The following SH3GL2 variants were observed in gnomAD, a reference collection of about 807,000 sequenced individuals.
SH3GL2 encodes the protein endophilin-A1.
SH3GL2 carries 24 observed loss-of-function variants against 46.0 expected under a neutral mutation model. The observed-to-expected ratio is 0.52, with a 90% confidence interval of 0.38 to 0.73. The LOEUF is 0.73. Among genes scored for constraint, SH3GL2 ranks in the 30% least tolerant of loss-of-function variants. The pLI, the probability that SH3GL2 is intolerant of heterozygous loss-of-function variation, is 0.00. For synonymous variants in SH3GL2, 196 were observed against 147.1 expected, an observed-to-expected ratio of 1.33 and a Z score of -2.40; for missense variants, 413 against 424.2, an observed-to-expected ratio of 0.97 and a Z score of 0.23.
intron 1 of SH3GL2, among the ~76,000 whole-genome samples, chr9:17,634,107 T>C (rs1194029675): frequency 6.6e-6 from 1 of 152,190 alleles, no homozygotes; most frequent in African/African-American, 2.4e-5. Context: ...GTTTTGGAAC[T>C]TTGGGCTCTT....
intron 3 of SH3GL2, among the ~76,000 whole-genome samples, chr9:17,765,186 G>A (rs1265747710): frequency 1.2e-5 from 1 of 81,138 alleles, no homozygotes; most frequent in Non-Finnish European, 2.4e-5. Context: ...TTGATGCTTC[G>A]AGGGTACTTT....
At chr9:17,617,065 A>G (rs554764076) in intron 1 of SH3GL2, among the ~76,000 whole-genome samples, 2 of 152,280 alleles carry the variant, frequency 1.3e-5, no homozygotes, top group South Asian at 2.1e-4. Flanking sequence ...GCTAGCATAC[A>G]TACTATAATA....
chr9:17,758,062 C>G (rs1374562020), intron 2 of SH3GL2, among the ~76,000 whole-genome samples: 3 of 152,096 alleles, frequency 2.0e-5, no homozygotes, highest in South Asian at 2.1e-4. Flanking sequence ...AATCATTGGA[C>G]CATTCAGTTC....
intron 1 of SH3GL2, among the ~76,000 whole-genome samples, chr9:17,615,825 C>T (rs73418665): frequency 2.6e-5 from 4 of 151,574 alleles, no homozygotes; most frequent in African/African-American, 4.8e-5. Context: ...TGCTAACTTT[C>T]TAGAACTCAG....
intron 1 of SH3GL2, among the ~76,000 whole-genome samples, chr9:17,714,720 C>G (rs1012270990): frequency 6.6e-6 from 1 of 151,714 alleles, no homozygotes; most frequent in Non-Finnish European, 1.5e-5. Flanking sequence ...TTATAAATCC[C>G]TGAGTACATA....
chr9:17,699,070 G>A lies in SH3GL2; in HGVS notation c.46-47996G>A, dbSNP rs576063440. Reference sequence around the variant, plus strand: ...CTTGGGAGGCTGAGGCAGGGGAATCGCTTGAACCTCAGAGGCAGAGGTTGC... The same window carrying A: ...CTTGGGAGGCTGAGGCAGGGGAATCACTTGAACCTCAGAGGCAGAGGTTGC... On this transcript the variant is annotated intron_variant, in intron 1 of 8. Transcript: ENST00000380607. 4.1e-5 allele frequency among the ~76,000 whole-genome samples: 6 copies of A among 147,478 alleles called. No homozygotes were observed. The East Asian group carries it at 1.2e-3, about 30-fold the overall frequency.
chr9:17,623,705 T>TACACACACAC lies in SH3GL2; in HGVS notation c.45+44441_45+44450dup, dbSNP rs10660392. On this transcript the variant is annotated intron_variant, in intron 1 of 8. Coordinates refer to ENST00000380607, the MANE Select transcript of SH3GL2 (RefSeq NM_003026.5). ...ATATTTAACCCTATTTATAATTTCC[T>TACACACACAC]ACACACACACACACACACACACACA... is the stretch of plus-strand genomic sequence containing the variant. Among the ~76,000 whole-genome samples, 765 of 147,882 alleles carry TACACACACAC rather than the reference T, an allele frequency of 5.2e-3. 9 individuals are homozygous for TACACACACAC. Among genetic ancestry groups the TACACACACAC allele is most frequent in the African/African-American group, 0.017 (699 of 40,232 alleles).
intron 2 of SH3GL2, 93 bp downstream of exon 2, chr9:17,747,227 C>T: frequency 1.4e-6 from 1 of 709,880 alleles, no homozygotes; most frequent in East Asian, 2.7e-5. Context: ...CAACTGTTTT[C>T]CACTGGTCTC....
chr9:17,778,373 T>C (rs1365111214), intron 3 of SH3GL2, among the ~76,000 whole-genome samples: 1 of 152,116 alleles, frequency 6.6e-6, no homozygotes, highest in Non-Finnish European at 1.5e-5. Flanking sequence ...TAATACCTAA[T>C]GTCAGATGTG....
intron 1 of SH3GL2, among the ~76,000 whole-genome samples, chr9:17,731,618 GA>G (rs1375474313): frequency 6.6e-6 from 1 of 152,124 alleles, no homozygotes; most frequent in Admixed American, 6.5e-5. Flanking sequence ...TCTAGTTCTA[GA>G]ACCACAAGAA....
chr9:17,621,542 A>G (rs993270675), intron 1 of SH3GL2, among the ~76,000 whole-genome samples: 24 of 152,220 alleles, frequency 1.6e-4, no homozygotes, highest in Non-Finnish European at 1.9e-4. Flanking sequence ...AATATTGCCA[A>G]GAAGTTTTAC....
intron 1 of SH3GL2, among the ~76,000 whole-genome samples, chr9:17,649,200 G>C (rs1005163855): frequency 3.3e-5 from 5 of 152,292 alleles, no homozygotes; most frequent in Admixed American, 3.3e-4. Context: ...TGAGTAGCTG[G>C]AATTACAGGC....
chr9:17,784,223 G>T (rs1823892854), intron 3 of SH3GL2, among the ~76,000 whole-genome samples: 1 of 151,994 alleles, frequency 6.6e-6, no homozygotes, highest in Non-Finnish European at 1.5e-5. Context: ...CTTAGTAAAA[G>T]AATAAAGCTC....
At chr9:17,767,150 A>G (rs1249617049) in intron 3 of SH3GL2, among the ~76,000 whole-genome samples, 5 of 152,186 alleles carry the variant, frequency 3.3e-5, no homozygotes, top group Admixed American at 3.3e-4. Context: ...AATGTTGTAC[A>G]CAGTAGGGGT....
chr9:17,780,818 T>G (rs1259556133), intron 3 of SH3GL2, among the ~76,000 whole-genome samples: 1 of 14,216 alleles, frequency 7.0e-5, no homozygotes, highest in South Asian at 2.2e-3. Context: ...ACTCATCATT[T>G]TTTATGGCTG....
intron 1 of SH3GL2, among the ~76,000 whole-genome samples, chr9:17,742,544 G>A (rs7868881): frequency 0.61 from 93,465 of 152,004 alleles, 29,022 homozygotes; most frequent in East Asian, 0.9. Flanking sequence ...CCATCCCAGA[G>A]TGAGGTGAGC....
At chr9:17,661,815 A>G (rs1319333207) in intron 1 of SH3GL2, among the ~76,000 whole-genome samples, 9 of 145,942 alleles carry the variant, frequency 6.2e-5, no homozygotes, top group Admixed American at 6.0e-4. Flanking sequence ...CCTGAATATA[A>G]ACTTTAACTT....
chr9:17,589,559 T>C (rs1013213009), intron 1 of SH3GL2: 1 of 152,140 alleles, frequency 6.6e-6, no homozygotes. Flanking sequence ...AGACTACAGA[T>C]CTGCAAAGAA....
At chr9:17,769,547 C>T (rs1823411630) in intron 3 of SH3GL2, among the ~76,000 whole-genome samples, 1 of 152,036 alleles carries the variant, frequency 6.6e-6, no homozygotes, top group African/African-American at 2.4e-5. Flanking sequence ...ACAGGTGTTT[C>T]TTCTGCCTGG....
Sources: gnomAD v4.1 joint callset for allele counts (sites outside exome capture counted in the v4.1 genomes callset) on GRCh38, gnomAD v4.1.1 for gene constraint, MANE v1.5 for transcripts, NCBI Gene and HGNC (gene_info 2026-07-23, HGNC 2026-07-21) for gene names.